The following IMMP2L variants were observed in gnomAD, a reference collection of about 807,000 sequenced individuals.
The protein encoded by IMMP2L is inner mitochondrial membrane peptidase subunit 2, also known as mitochondrial inner membrane protease subunit 2.
Under a neutral mutation model 19.3 loss-of-function variants are expected in IMMP2L, and 18 were observed. That is an observed-to-expected ratio of 0.93 (90% CI 0.64 to 1.38). The LOEUF (loss-of-function observed/expected upper bound fraction) is 1.38. Ranked by LOEUF, IMMP2L falls within the 40% of genes most tolerant of loss-of-function variation. IMMP2L has a pLI of 0.00. For synonymous variants in IMMP2L, 76 were observed against 73.0 expected (o/e 1.04, Z -0.21); for missense variants, 233 against 218.2 (o/e 1.07, Z -0.43).
At chr7:111,076,744 C>A (rs1795447631) in intron 3 of IMMP2L, among the ~76,000 whole-genome samples, 1 of 152,120 alleles carries the variant, frequency 6.6e-6, no homozygotes, top group African/African-American at 2.4e-5. Flanking sequence ...GATATTTTAC[C>A]AGAGATGGGG....
chr7:111,258,138 T>C (rs1321161693), intron 3 of IMMP2L, among the ~76,000 whole-genome samples: 2 of 152,146 alleles, frequency 1.3e-5, no homozygotes, highest in African/African-American at 2.4e-5. Flanking sequence ...CAAAGGTTAA[T>C]AAAGAAACTC....
intron 3 of IMMP2L, among the ~76,000 whole-genome samples, chr7:111,251,795 T>G (rs887276350): frequency 6.6e-6 from 1 of 151,986 alleles, no homozygotes; most frequent in African/African-American, 2.4e-5. Flanking sequence ...ATGCTGGGCC[T>G]AATACCTGGG....
intron 3 of IMMP2L, among the ~76,000 whole-genome samples, chr7:111,302,559 G>T (rs929661062): frequency 6.6e-6 from 1 of 151,992 alleles, no homozygotes; most frequent in African/African-American, 2.4e-5. Context: ...GATAACCCTA[G>T]GAGGTGCTAT....
chr7:111,302,922 A>AC (rs1822424041), intron 3 of IMMP2L, among the ~76,000 whole-genome samples: 1 of 152,128 alleles, frequency 6.6e-6, no homozygotes, highest in African/African-American at 2.4e-5. Context: ...GAGTCCAGTG[A>AC]CCTGAACCTC....
At chr7:111,183,160 T>C (rs948735594) in intron 3 of IMMP2L, among the ~76,000 whole-genome samples, 1 of 152,094 alleles carries the variant, frequency 6.6e-6, no homozygotes, top group African/African-American at 2.4e-5. Flanking sequence ...GCCTGCAAAC[T>C]GAAGATGTGA....
At chr7:110,996,983 T>C (rs969248906) in intron 3 of IMMP2L, among the ~76,000 whole-genome samples, 1 of 151,966 alleles carries the variant, frequency 6.6e-6, no homozygotes, top group Non-Finnish European at 1.5e-5. Context: ...TGCAATTTTA[T>C]TACACATGTA....
intron 3 of IMMP2L, chr7:111,392,709 G>T: frequency 2.2e-6 from 1 of 455,362 alleles, no homozygotes; most frequent in Non-Finnish European, 4.4e-6. Context: ...GTCCAACTTG[G>T]CTATAAAGTC....
At chr7:111,279,450 A>G (rs1819456671) in intron 3 of IMMP2L, among the ~76,000 whole-genome samples, 1 of 152,208 alleles carries the variant, frequency 6.6e-6, no homozygotes, top group Admixed American at 6.5e-5. Flanking sequence ...AAGGAGAAAC[A>G]AACAGAAAGA....
At chr7:111,305,798 A>G (rs1469295710) in intron 3 of IMMP2L, among the ~76,000 whole-genome samples, 1 of 152,018 alleles carries the variant, frequency 6.6e-6, no homozygotes, top group Non-Finnish European at 1.5e-5. Flanking sequence ...GAACCAACAC[A>G]CTCCCTGTGA....
intron 5 of IMMP2L, among the ~76,000 whole-genome samples, chr7:110,722,266 T>G (rs1329150445): frequency 6.6e-6 from 1 of 152,156 alleles, no homozygotes; most frequent in Non-Finnish European, 1.5e-5. Flanking sequence ...GTGGGAACAG[T>G]ACTGAGGGTT....
intron 5 of IMMP2L, among the ~76,000 whole-genome samples, chr7:110,775,650 C>T (rs1375384502): frequency 2.0e-5 from 3 of 152,028 alleles, no homozygotes; most frequent in Admixed American, 6.6e-5. Flanking sequence ...CTTCAAGTTT[C>T]GTTCTTTCAT....
At chr7:111,111,439 C>T (rs899715147) in intron 3 of IMMP2L, among the ~76,000 whole-genome samples, 6 of 144,100 alleles carry the variant, frequency 4.2e-5, no homozygotes, top group Non-Finnish European at 1.5e-5. Flanking sequence ...AGTATTTTTA[C>T]TTCCCCCGCC....
intron 3 of IMMP2L, among the ~76,000 whole-genome samples, chr7:111,214,888 C>A (rs113726039): frequency 2.0e-5 from 3 of 151,624 alleles, no homozygotes; most frequent in Non-Finnish European, 2.9e-5. Flanking sequence ...CACATACCAG[C>A]GCAGCAAAAT....
At chr7:110,901,500 G>A (rs1811857227) in intron 4 of IMMP2L, among the ~76,000 whole-genome samples, 1 of 152,084 alleles carries the variant, frequency 6.6e-6, no homozygotes, top group Non-Finnish European at 1.5e-5. Flanking sequence ...TTTGAGGCTT[G>A]GAGAGGTTAG....
chr7:111,073,556 A>T (rs1005523803), intron 3 of IMMP2L, among the ~76,000 whole-genome samples: 1 of 152,168 alleles, frequency 6.6e-6, no homozygotes, highest in South Asian at 2.1e-4. Flanking sequence ...CCTCTTAGAA[A>T]CATGGCAAAC....
rs370197761 is a variant in IMMP2L, at chr7:110,741,954, T to C, written c.409-78233A>G. On this transcript the variant is annotated intron_variant, in intron 5 of 5. Coordinates refer to ENST00000405709, the MANE Select transcript of IMMP2L (RefSeq NM_032549.4). ...TTGGCAAGAAAATAATCATAGAATC[T>C]AGAAAGTCTTAGGGGTGTGAGGTAT... Among the ~76,000 whole-genome samples, 8 of 152,166 alleles carry C rather than the reference T, an allele frequency of 5.3e-5. No individual in the cohort carries two copies. The East Asian group carries it at 1.3e-3, about 26-fold the overall frequency.
intron 3 of IMMP2L, among the ~76,000 whole-genome samples, chr7:110,975,838 G>A (rs1820632775): frequency 6.6e-6 from 1 of 152,088 alleles, no homozygotes; most frequent in Non-Finnish European, 1.5e-5. Context: ...TTAATTAAAA[G>A]TATGTAAACT....
chr7:110,714,058 T>C (rs544736534), intron 5 of IMMP2L, among the ~76,000 whole-genome samples: 2 of 152,326 alleles, frequency 1.3e-5, no homozygotes, highest in Non-Finnish European at 2.9e-5. Context: ...ATGCTGTCTG[T>C]GGGTCTGTCA....
intron 3 of IMMP2L, among the ~76,000 whole-genome samples, chr7:111,195,552 T>A (rs1244166476): frequency 6.6e-6 from 1 of 152,134 alleles, no homozygotes; most frequent in South Asian, 2.1e-4. Context: ...AGAAACTTTA[T>A]TATAAAGGAT....
Sources: gnomAD v4.1 joint callset for allele counts (sites outside exome capture counted in the v4.1 genomes callset) on GRCh38, gnomAD v4.1.1 for gene constraint, MANE v1.5 for transcripts, NCBI Gene and HGNC (gene_info 2026-07-23, HGNC 2026-07-21) for gene names.